Variants in ITGA2 observed in about 807,000 individuals in gnomAD.
ITGA2 encodes integrin alpha-2.
Under a neutral mutation model 146.3 loss-of-function variants are expected in ITGA2, and 101 were observed. The observed-to-expected ratio is 0.69, with a 90% CI of 0.59 to 0.81. The LOEUF (loss-of-function observed/expected upper bound fraction) is 0.81, where lower values mean the gene tolerates loss of function less well. Among genes scored for constraint, ITGA2 ranks in the 40% least tolerant of loss-of-function variants. The pLI, the probability that ITGA2 is intolerant of heterozygous loss-of-function variation, is 0.00. For synonymous variants in ITGA2, 477 were observed against 487.1 expected (o/e 0.98, Z 0.27); for missense variants, 1,281 against 1,402.7 (o/e 0.91, Z 1.39).
intron 1 of ITGA2, among the ~76,000 whole-genome samples, chr5:53,019,372 G>A (rs893219345): frequency 9.2e-5 from 14 of 152,040 alleles, no homozygotes; most frequent in Admixed American, 9.2e-4. Flanking sequence ...GTATCGTTCC[G>A]AGTAGTGTGA....
At position 53,065,930 on chromosome 5, in the gene ITGA2, C is replaced by A; in HGVS notation, c.1896C>A (p.Ser632=). The change falls in exon 15 of 30, where the codon TCC becomes TCA. Residue 632 remains serine (S), a synonymous_variant. Coordinates refer to ENST00000296585, the MANE Select transcript of ITGA2 (RefSeq NM_002203.4). ...LDGYGDLNGD[S]ITDVSIGAFG... ...GCTATGGAGATTTAAATGGGGATTC[C>A]ATCACCGATGTGTCTATTGGTGCCT... 1.2e-6 allele frequency: 2 copies of A among 1,612,064 alleles called. No homozygotes were observed. The highest frequency in any genetic ancestry group is 1.3e-5 in the African/African-American group (1 of 74,816).
At position 53,073,944 on chromosome 5, in the gene ITGA2, TAAAAAA is replaced by T. The variant is rs376587596; in HGVS notation, c.2572-424_2572-419del. ...AGGGAAAAAAAAACCTGAAGAAAAC[TAAAAAA>T]AAAAAAAAAAAAAAAACCCTCAAAT... On this transcript the variant is annotated intron_variant, in intron 20 of 29. Coordinates refer to ENST00000296585, the MANE Select transcript of ITGA2 (RefSeq NM_002203.4). Among the ~76,000 whole-genome samples the T allele has an allele frequency of 2.6e-3, 174 of 67,814 alleles. 1 individual carries two copies. The South Asian group carries it at 0.067, about 26-fold the overall frequency. 44.5% of individuals were successfully genotyped at this position (67,814 alleles called of 152,430 possible). A position where few individuals can be genotyped will look rare whatever the true frequency, so the allele number is the denominator to read the frequency against.
intron 1 of ITGA2, among the ~76,000 whole-genome samples, chr5:53,002,541 G>A (rs1229361610): frequency 6.6e-6 from 1 of 152,062 alleles, no homozygotes; most frequent in Admixed American, 6.6e-5. Flanking sequence ...TTCCATGTGA[G>A]TTTTATATTT....
chr5:53,085,015 G>GTC (rs1414963143), intron 27 of ITGA2, among the ~76,000 whole-genome samples: 1 of 152,210 alleles, frequency 6.6e-6, no homozygotes, highest in African/African-American at 2.4e-5. Flanking sequence ...CCCTTGAGAT[G>GTC]TCAAGGTATG....
rs1308594374 is a variant in ITGA2 at position 53,091,442 on chromosome 5, C to T, written c.*843C>T. 6.6e-6 allele frequency: 1 copy of T among 152,182 alleles called. No homozygotes were observed. The highest frequency in any genetic ancestry group is 1.9e-4 in the East Asian group (1 of 5,196). 9.4% of individuals were successfully genotyped at this position (152,182 alleles called of 1,614,324 possible). A position where few individuals can be genotyped will look rare whatever the true frequency, so the allele number is the denominator to read the frequency against. The stretch of plus-strand genomic sequence containing the variant: ...TTCCTTTCTCTTTTAGGAGGCACAA[C>T]AGTTCTCTTCTAGGATTTGTTTGGC... On this transcript the variant is annotated 3_prime_UTR_variant, in exon 30 of 30. Coordinates refer to ENST00000296585, the MANE Select transcript of ITGA2 (RefSeq NM_002203.4).
chr5:53,065,277 T>G (rs1419469406), intron 14 of ITGA2, among the ~76,000 whole-genome samples, 162 bp downstream of exon 14: 1 of 151,988 alleles, frequency 6.6e-6, no homozygotes, highest in Non-Finnish European at 1.5e-5. Context: ...CCAAGCACTG[T>G]TCTAGAGTCT....
Position 53,075,121 on chromosome 5 carries a change from A to G in ITGA2, c.2725A>G (p.Ser909Gly). Residue 909 changes from serine (S) to glycine (G), a missense_variant, in exon 22 of 30, where the codon AGT becomes GGT. Ser to Gly is a moderately conservative substitution (Grantham distance 56). This residue lies in a region of ITGA2 where 475 missense variants were observed against 530.5 expected (regional missense o/e 0.90). Coordinates refer to ENST00000296585, the MANE Select transcript of ITGA2 (RefSeq NM_002203.4). ...LQNLQNQASL[S>G]FQALSESQEE... ...AAACCTTCAGAATCAGGCGTCTCTC[A>G]GTTTCCAAGCCTTAAGGTAAAACAT... The G allele has an allele frequency of 6.2e-7, 1 of 1,611,960 alleles. No individual in the cohort carries two copies. The highest frequency in any genetic ancestry group is 8.5e-7 in the Non-Finnish European group (1 of 1,178,634).
chr5:53,069,264 G>A (rs1745279495), intron 16 of ITGA2, among the ~76,000 whole-genome samples: 1 of 151,868 alleles, frequency 6.6e-6, no homozygotes, highest in South Asian at 2.1e-4. Context: ...TGATAGTTTA[G>A]ACATCGGCTA....
chr5:53,026,977 C>G (rs1246896233), intron 2 of ITGA2, 109 bp downstream of exon 2: 2 of 917,532 alleles, frequency 2.2e-6, no homozygotes, highest in African/African-American at 3.3e-5. Context: ...AAATGGGTGG[C>G]CCTCAAATAT....
rs1740482355 is a variant in ITGA2 at position 53,092,616 on chromosome 5, ATTTT to A, written c.*2018_*2021del. 1 of 138,788 alleles carries A rather than the reference ATTTT, an allele frequency of 7.2e-6. No homozygotes were observed. 8.6% of individuals were successfully genotyped at this position (138,788 alleles called of 1,614,324 possible). ...GAATTTGCTGCTTCATTCCAACAAA[ATTTT>A]ATTTAAAAAAAAAAAAAAAAGACTG... On this transcript the variant is annotated 3_prime_UTR_variant, in exon 30 of 30. Coordinates refer to ENST00000296585, the MANE Select transcript of ITGA2 (RefSeq NM_002203.4).
intron 1 of ITGA2, among the ~76,000 whole-genome samples, chr5:53,022,687 C>T (rs1169124968): frequency 6.6e-6 from 1 of 152,112 alleles, no homozygotes; most frequent in East Asian, 1.9e-4. Flanking sequence ...TCATCTCAGC[C>T]TCCCAAGTAG....
chr5:53,089,243 A>G (rs1359132810), intron 28 of ITGA2: 1 of 152,120 alleles, frequency 6.6e-6, no homozygotes, highest in Non-Finnish European at 1.5e-5. Context: ...CTCTTTAGGA[A>G]TATTTTCTAA....
intron 28 of ITGA2, 108 bp from the exon 29 acceptor site, chr5:53,089,838 C>T (rs922033046): frequency 1.3e-6 from 1 of 774,972 alleles, no homozygotes; most frequent in African/African-American, 1.7e-5. Flanking sequence ...GTCTTGTCAC[C>T]TTTCTAGAGC....
At position 53,093,984 on chromosome 5, in the gene ITGA2, A is replaced by AG. The variant is rs1554026396; in HGVS notation, c.*3385_*3386insG. On this transcript the variant is annotated 3_prime_UTR_variant, in exon 30 of 30. Coordinates refer to ENST00000296585, the MANE Select transcript of ITGA2 (RefSeq NM_002203.4). ...TACCTATTAAAACTGTGAAGAGTAA[A>AG]ACTAAAGCCAATTTATTATAGTCAC... is the stretch of plus-strand genomic sequence containing the variant. 2 of 152,322 alleles carry AG rather than the reference A, an allele frequency of 1.3e-5. No individual in the cohort carries two copies. The highest frequency in any genetic ancestry group is 2.4e-5 in the African/African-American group (1 of 41,354). The allele number at this position is 152,322 out of a possible 1,614,324, so 9.4% of individuals were successfully genotyped here.
At chr5:53,006,417 T>G (rs1273964877) in intron 1 of ITGA2, among the ~76,000 whole-genome samples, 1 of 152,222 alleles carries the variant, frequency 6.6e-6, no homozygotes, top group Non-Finnish European at 1.5e-5. Flanking sequence ...CATGAACATA[T>G]GTGTATATAG....
chr5:53,084,719 C>T (rs960157242), intron 27 of ITGA2, among the ~76,000 whole-genome samples: 5 of 152,178 alleles, frequency 3.3e-5, no homozygotes, highest in African/African-American at 9.7e-5. Flanking sequence ...CTCAGTTTTG[C>T]TCCATTGGTT....
intron 29 of ITGA2, 23 bp from the exon 30 acceptor site, chr5:53,090,496 T>G (rs940187167): frequency 1.2e-6 from 2 of 1,610,356 alleles, no homozygotes; most frequent in Admixed American, 3.3e-5. Context: ...GGTGGTAACA[T>G]TCTTATATCA....
At chr5:53,019,018 C>A (rs950742744) in intron 1 of ITGA2, among the ~76,000 whole-genome samples, 1 of 151,892 alleles carries the variant, frequency 6.6e-6, no homozygotes, top group East Asian at 1.9e-4. Context: ...GAGCGGAGAT[C>A]GTGCCATTGC....
intron 27 of ITGA2, 112 bp downstream of exon 27, chr5:53,083,565 C>T: frequency 1.3e-6 from 1 of 744,520 alleles, no homozygotes; most frequent in African/African-American, 1.7e-5. Flanking sequence ...TCTGCAATGG[C>T]CAAATAACCC....
Sources: gnomAD v4.1 joint callset for allele counts (sites outside exome capture counted in the v4.1 genomes callset) on GRCh38, gnomAD v4.1.1 for gene constraint, gnomAD v4.1.1 regional missense constraint, MANE v1.5 for transcripts, NCBI Gene and HGNC (gene_info 2026-07-23, HGNC 2026-07-21) for gene names.